CSMD1: variants seen among roughly 807,000 people sequenced by gnomAD.
CSMD1 encodes the protein CUB and Sushi multiple domains 1.
In CSMD1, 213 loss-of-function variants were observed where a neutral mutation model predicts 417.5. That is an observed-to-expected ratio of 0.51 (90% CI 0.46 to 0.57). The LOEUF (loss-of-function observed/expected upper bound fraction) is 0.57. CSMD1 is among the 20% of genes least tolerant of loss of function. The pLI is 0.00. For synonymous variants in CSMD1, 2,862 were observed against 1,736.8 expected (o/e 1.65, Z -16.11); for missense variants, 6,923 against 4,529.7 (o/e 1.53, Z -15.17).
chr8:4,162,046 C>T (rs1298480779), intron 3 of CSMD1, among the ~76,000 whole-genome samples: 1 of 152,188 alleles, frequency 6.6e-6, no homozygotes, highest in African/African-American at 2.4e-5. Context: ...TAAGCAATTT[C>T]CCTTAATGTC....
At chr8:3,199,661 C>G (rs373276645) in intron 33 of CSMD1, 53 bp downstream of exon 33, 167 of 1,220,938 alleles carry the variant, frequency 1.4e-4, no homozygotes, top group Non-Finnish European at 1.8e-4. Context: ...GCCGTGGGTG[C>G]AGCATCAGGA....
At chr8:4,093,009 G>A (rs1437815676) in intron 3 of CSMD1, among the ~76,000 whole-genome samples, 1 of 152,094 alleles carries the variant, frequency 6.6e-6, no homozygotes. Flanking sequence ...AAAGACCACT[G>A]AGGAATGCTG....
At chr8:3,243,331 C>G (rs1164754538) in intron 26 of CSMD1, among the ~76,000 whole-genome samples, 2 of 152,148 alleles carry the variant, frequency 1.3e-5, no homozygotes, top group African/African-American at 4.8e-5. Flanking sequence ...TCACTCGCGT[C>G]CATGTGAAGA....
intron 52 of CSMD1, among the ~76,000 whole-genome samples, chr8:3,003,113 G>C (rs1008895642): frequency 1.3e-5 from 2 of 152,036 alleles, no homozygotes; most frequent in East Asian, 1.9e-4. Context: ...CAAAATCTTT[G>C]ACCAATTATA....
At chr8:4,751,395 G>T (rs761528451) in intron 1 of CSMD1, among the ~76,000 whole-genome samples, 10 of 151,954 alleles carry the variant, frequency 6.6e-5, no homozygotes, top group African/African-American at 9.7e-5. Flanking sequence ...TGTCTCAGGG[G>T]GGGTGGCGGG....
At chr8:4,746,650 G>C (rs950473503) in intron 1 of CSMD1, among the ~76,000 whole-genome samples, 5 of 152,284 alleles carry the variant, frequency 3.3e-5, no homozygotes, top group Non-Finnish European at 5.9e-5. Flanking sequence ...AACCTGGGCA[G>C]CACAAACTAT....
chr8:4,195,495 G>C (rs1799280274), intron 3 of CSMD1, among the ~76,000 whole-genome samples: 1 of 152,278 alleles, frequency 6.6e-6, no homozygotes, highest in African/African-American at 2.4e-5. Flanking sequence ...ACCCTCTGTT[G>C]TTCACATCTC....
At chr8:4,237,214 G>A (rs1293424280) in intron 3 of CSMD1, among the ~76,000 whole-genome samples, 8 of 152,150 alleles carry the variant, frequency 5.3e-5, no homozygotes, top group African/African-American at 1.7e-4. Flanking sequence ...CAAATCAATT[G>A]TTTAATTTTT....
chr8:3,419,857 A>G (rs1219006706), intron 12 of CSMD1, among the ~76,000 whole-genome samples: 2 of 152,210 alleles, frequency 1.3e-5, no homozygotes, highest in Non-Finnish European at 2.9e-5. Flanking sequence ...GCAGGATAGC[A>G]AAGTGAGTAG....
chr8:3,553,909 A>C (rs1156239914), intron 10 of CSMD1, among the ~76,000 whole-genome samples: 1 of 152,230 alleles, frequency 6.6e-6, no homozygotes, highest in African/African-American at 2.4e-5. Context: ...TTAAATGGTC[A>C]TGTAAAGGCA....
chr8:3,918,849 T>A (rs1584963207), intron 5 of CSMD1, among the ~76,000 whole-genome samples: 1 of 152,048 alleles, frequency 6.6e-6, no homozygotes, highest in South Asian at 2.1e-4. Flanking sequence ...ATAATTAGAA[T>A]GACACAATGG....
intron 1 of CSMD1, among the ~76,000 whole-genome samples, chr8:4,751,954 T>G (rs1256750386): frequency 6.6e-6 from 1 of 152,166 alleles, no homozygotes; most frequent in African/African-American, 2.4e-5. Context: ...GTGGGGGAAG[T>G]GCAAAGAATA....
intron 3 of CSMD1, among the ~76,000 whole-genome samples, chr8:4,401,848 T>C (rs745895900): frequency 6.6e-6 from 1 of 152,140 alleles, no homozygotes; most frequent in Admixed American, 6.6e-5. Context: ...CATCATTTCC[T>C]GACTTTCCCC....
At chr8:3,279,063 T>C (rs1802527960) in intron 26 of CSMD1, 1 of 152,196 alleles carries the variant, frequency 6.6e-6, no homozygotes. Context: ...TGCCCGATTC[T>C]CACTGGTTCC....
chr8:3,804,682 G>T (rs1294160058), intron 5 of CSMD1, among the ~76,000 whole-genome samples: 1 of 152,152 alleles, frequency 6.6e-6, no homozygotes, highest in Non-Finnish European at 1.5e-5. Context: ...TAAGAGAAAT[G>T]TGAGTAGGAA....
chr8:3,454,235 T>C (rs1232943025), intron 12 of CSMD1, among the ~76,000 whole-genome samples: 5 of 152,198 alleles, frequency 3.3e-5, no homozygotes, highest in Admixed American at 1.3e-4. Context: ...CTCCTGAATA[T>C]AGCACACTGA....
At chr8:3,963,911 A>G (rs1035241012) in intron 5 of CSMD1, among the ~76,000 whole-genome samples, 4 of 152,228 alleles carry the variant, frequency 2.6e-5, no homozygotes, top group African/African-American at 9.6e-5. Flanking sequence ...AACTCATTGT[A>G]TCCCAAATTT....
intron 5 of CSMD1, among the ~76,000 whole-genome samples, chr8:3,921,628 T>C (rs1178276883): frequency 6.6e-6 from 1 of 152,300 alleles, no homozygotes; most frequent in African/African-American, 2.4e-5. Context: ...GATTTCCCTT[T>C]TGATTTCTTC....
chr8:4,148,508 T>G (rs1297003473), intron 3 of CSMD1, among the ~76,000 whole-genome samples: 1 of 148,036 alleles, frequency 6.8e-6, no homozygotes, highest in East Asian at 2.1e-4. Flanking sequence ...CCCTAAAACT[T>G]AAAGTATAAT....
Sources: gnomAD v4.1 joint callset for allele counts (sites outside exome capture counted in the v4.1 genomes callset) on GRCh38, gnomAD v4.1.1 for gene constraint, MANE v1.5 for transcripts, NCBI Gene and HGNC (gene_info 2026-07-23, HGNC 2026-07-21) for gene names.